NKAIN3: variants seen among roughly 807,000 people sequenced by gnomAD.
NKAIN3 encodes the protein sodium/potassium-transporting ATPase subunit beta-1-interacting protein 3.
In NKAIN3, 25 loss-of-function variants were observed where a neutral mutation model predicts 30.2. The observed-to-expected ratio is 0.83, with a 90% CI of 0.60 to 1.16. NKAIN3 has a LOEUF of 1.16. Among genes scored for constraint, NKAIN3 ranks in the 50% most tolerant of loss-of-function variants. The pLI is 0.00. For missense variants in NKAIN3, 225 were observed against 254.1 expected (o/e 0.89, Z 0.78); for synonymous variants, 91 against 89.6 (o/e 1.02, Z -0.09).
chr8:62,939,979 A>G (rs556345355), intron 5 of NKAIN3, among the ~76,000 whole-genome samples: 1 of 152,276 alleles, frequency 6.6e-6, no homozygotes, highest in African/African-American at 2.4e-5. Context: ...AATGGATAAG[A>G]ATTCACCAAC....
At chr8:62,607,978 C>T (rs1811178493) in intron 3 of NKAIN3, among the ~76,000 whole-genome samples, 1 of 152,004 alleles carries the variant, frequency 6.6e-6, no homozygotes, top group Non-Finnish European at 1.5e-5. Flanking sequence ...TTTTGTTATT[C>T]CTAATCTGAA....
At chr8:62,889,945 A>T (rs1821254536) in intron 4 of NKAIN3, among the ~76,000 whole-genome samples, 1 of 152,192 alleles carries the variant, frequency 6.6e-6, no homozygotes, top group South Asian at 2.1e-4. Context: ...AAAAAAAACA[A>T]AGTTTCTCAA....
chr8:62,917,649 G>A (rs1032810777), intron 4 of NKAIN3, among the ~76,000 whole-genome samples: 2 of 152,134 alleles, frequency 1.3e-5, no homozygotes, highest in Non-Finnish European at 2.9e-5. Flanking sequence ...AGAAACAAAC[G>A]TTAACAAAGA....
chr8:62,428,489 C>T (rs936477099), intron 1 of NKAIN3, among the ~76,000 whole-genome samples: 6 of 151,896 alleles, frequency 4.0e-5, no homozygotes, highest in Admixed American at 2.6e-4. Context: ...TCCCCTTTCT[C>T]AGCATCTTCA....
intron 1 of NKAIN3, among the ~76,000 whole-genome samples, chr8:62,400,872 T>G (rs142590449): frequency 1.3e-3 from 192 of 152,332 alleles, no homozygotes; most frequent in African/African-American, 4.5e-3. Context: ...TTTGGCAGTT[T>G]CATTATTAAA....
chr8:62,724,790 A>G (rs181986646), intron 3 of NKAIN3, among the ~76,000 whole-genome samples: 1 of 152,204 alleles, frequency 6.6e-6, no homozygotes, highest in Admixed American at 6.5e-5. Context: ...GTTGATGGAC[A>G]CTTGTTGCCC....
intron 4 of NKAIN3, among the ~76,000 whole-genome samples, chr8:62,799,915 T>C (rs575256249): frequency 1.6e-4 from 24 of 152,102 alleles, no homozygotes; most frequent in Admixed American, 4.6e-4. Flanking sequence ...CTGGGTGGAA[T>C]TGGAGGCTAT....
At chr8:62,394,871 CGG>C (rs1817691540) in intron 1 of NKAIN3, among the ~76,000 whole-genome samples, 1 of 126,754 alleles carries the variant, frequency 7.9e-6, no homozygotes, top group Non-Finnish European at 1.7e-5. Flanking sequence ...GTGGGGCGGC[CGG>C]GGGAGGCGCT....
At chr8:62,932,425 G>C (rs999000139) in intron 5 of NKAIN3, among the ~76,000 whole-genome samples, 1 of 152,224 alleles carries the variant, frequency 6.6e-6, no homozygotes, top group Non-Finnish European at 1.5e-5. Flanking sequence ...GAGGCTAACT[G>C]TGTCTCAAGG....
chr8:62,455,923 A>T (rs1277058407), intron 1 of NKAIN3, among the ~76,000 whole-genome samples: 2 of 152,106 alleles, frequency 1.3e-5, no homozygotes, highest in Non-Finnish European at 2.9e-5. Flanking sequence ...ATAGTACTCA[A>T]CCCTGTGTAT....
chr8:62,990,423 T>C, intron 5 of NKAIN3: 4 of 1,090,398 alleles, frequency 3.7e-6, no homozygotes, highest in Non-Finnish European at 4.6e-6. Flanking sequence ...AGCAGTGCTC[T>C]TTGAGAATTT....
In NKAIN3 at chr8:62,878,469, CT is replaced by C. The variant is rs541935893; in HGVS notation, c.472-39983del. On this transcript the variant is annotated intron_variant, in intron 4 of 6. Transcript: ENST00000623646. ...GACCCTCAATAAATACCTCTACCCCCTAAGAGAGATTTACTGTTGTTGTGTT... is the reference window on the plus strand; with the variant it reads ...GACCCTCAATAAATACCTCTACCCCCAAGAGAGATTTACTGTTGTTGTGTT... Among the ~76,000 whole-genome samples, 192 of 152,112 alleles carry C rather than the reference CT, an allele frequency of 1.3e-3. 1 individual carries two copies. Among genetic ancestry groups the C allele is most frequent in the African/African-American group, 4.5e-3 (187 of 41,482 alleles).
chr8:62,577,626 G>T (rs1238427378), intron 1 of NKAIN3, among the ~76,000 whole-genome samples: 4 of 148,348 alleles, frequency 2.7e-5, no homozygotes, highest in Non-Finnish European at 4.4e-5. Context: ...ATAAAATGCT[G>T]CATAGAAAAG....
rs192076930 is a variant in NKAIN3, at chr8:62,654,352, G to A, written c.273+64558G>A. Among the ~76,000 whole-genome samples, 9 of 152,140 alleles carry A rather than the reference G, an allele frequency of 5.9e-5. No individual in the cohort carries two copies. In the East Asian group the frequency reaches 1.7e-3, roughly 29 times the overall value. On this transcript the variant is annotated intron_variant, in intron 3 of 6. Coordinates refer to ENST00000623646, the MANE Select transcript of NKAIN3 (RefSeq NM_001304533.3). ...AGAAAATCCAACGACTAAATAATAG[G>A]AGTTCTAGAAAAAGGCAAGCAGAAA...
At chr8:62,343,544 A>G (rs979842990) in intron 1 of NKAIN3, among the ~76,000 whole-genome samples, 1 of 152,070 alleles carries the variant, frequency 6.6e-6, no homozygotes, top group Admixed American at 6.6e-5. Context: ...ACACAGTGGC[A>G]CACACCTGGA....
rs945191247 is a variant in NKAIN3 at position 62,884,480 on chromosome 8, C to T, written c.472-33973C>T. Among the ~76,000 whole-genome samples the T allele has an allele frequency of 2.0e-5, 3 of 152,126 alleles. No individual in the cohort carries two copies. In the South Asian group the frequency reaches 6.2e-4, roughly 32 times the overall value. On this transcript the variant is annotated intron_variant, in intron 4 of 6. Transcript: ENST00000623646. ...CCATGTTGGTCAGGCTGGTCTCGAA[C>T]CCCCGACCTCAAGTGATCTGCCCAC...
chr8:62,322,775 C>T (rs1814979557), intron 1 of NKAIN3, among the ~76,000 whole-genome samples: 1 of 152,130 alleles, frequency 6.6e-6, no homozygotes, highest in Non-Finnish European at 1.5e-5. Flanking sequence ...GACAAACAAA[C>T]AAAAACACTC....
intron 5 of NKAIN3, among the ~76,000 whole-genome samples, chr8:62,941,281 A>C (rs1822947668): frequency 6.6e-6 from 1 of 152,128 alleles, no homozygotes; most frequent in Admixed American, 6.5e-5. Flanking sequence ...CCAATAGAAA[A>C]GTCCAGGACC....
At chr8:62,864,193 T>C in intron 4 of NKAIN3, 1 of 653,458 alleles carries the variant, frequency 1.5e-6, no homozygotes, top group African/African-American at 1.8e-5. Flanking sequence ...GAGGAGGCTC[T>C]GGCGGATGGC....
Sources: allele counts gnomAD v4.1 joint callset (sites outside exome capture counted in the v4.1 genomes callset), GRCh38; gene constraint gnomAD v4.1.1; transcripts MANE v1.5; gene names NCBI Gene and HGNC (gene_info 2026-07-23, HGNC 2026-07-21).